Variants in DICER1 observed in about 807,000 individuals in gnomAD.
DICER1 encodes the protein endoribonuclease Dicer.
Under a neutral mutation model 194.1 loss-of-function variants are expected in DICER1, and 43 were observed. That is an observed-to-expected ratio of 0.22 (90% confidence interval 0.17 to 0.29). DICER1 has a LOEUF of 0.29. Ranked by LOEUF, DICER1 falls within the 10% of genes least tolerant of loss-of-function variation. The probability of loss-of-function intolerance (pLI) is 1.00; values close to 1 mark genes in which losing one functional copy is unlikely to be tolerated. For missense variants in DICER1, 1,608 were observed against 2,317.0 expected (o/e 0.69, Z 6.28); for synonymous variants, 832 against 820.5 (o/e 1.01, Z -0.24).
intron 1 of DICER1, among the ~76,000 whole-genome samples, chr14:95,148,040 A>G (rs1895255184): frequency 6.6e-6 from 1 of 152,256 alleles, no homozygotes; most frequent in Admixed American, 6.5e-5. Context: ...CTCAATAAAA[A>G]TAAGTAAATT....
At position 95,105,011 on chromosome 14, in the gene DICER1, G is replaced by C. The variant is rs1013876487; in HGVS notation, c.3269+60C>G. ...TTATATACAATTTTAACTTAATTCTGTTCTTTTGCAAACAGGATCTCATGA... is the reference window on the plus strand; with the variant it reads ...TTATATACAATTTTAACTTAATTCTCTTCTTTTGCAAACAGGATCTCATGA... On this transcript the variant is annotated intron_variant, in intron 20 of 26. Transcript: ENST00000343455. This position sits in a 1 kb window ranked among gnomAD's most constrained non-coding sequence, Gnocchi z 4.9. 4.7e-6 allele frequency: 7 copies of C among 1,499,384 alleles called. No homozygotes were observed. The African/African-American group carries it at 8.3e-5, about 18-fold the overall frequency. 92.9% of individuals were successfully genotyped at this position (1,499,384 alleles called of 1,614,324 possible).
At chr14:95,112,299 C>G in intron 12 of DICER1, 52 bp from the exon 13 acceptor site, 3 of 1,434,502 alleles carry the variant, frequency 2.1e-6, no homozygotes, top group Non-Finnish European at 3.0e-6. Context: ...TGTATTACCT[C>G]TAGCACATGA....
In DICER1 at chr14:95,112,223, A is replaced by G. The variant is rs1283360693; in HGVS notation, c.2065T>C (p.Leu689=). ...ATGAGAGCTACAACTCTTTCAGCCA[A>G]TCGTACACAGCTCATTGGTGGACCC... The part of the protein sequence containing the change: ...IVGPPMSCVR[L]AERVVALICC... Residue 689 remains leucine, a synonymous_variant, in exon 13 of 27, where the codon TTG becomes CTG. Transcript: ENST00000343455. 2 of 1,613,918 alleles carry G rather than the reference A, an allele frequency of 1.2e-6. No individual in the cohort carries two copies. Among genetic ancestry groups the G allele is most frequent in the African/African-American group, 2.7e-5 (2 of 74,892 alleles).
intron 1 of DICER1, 34 bp downstream of exon 1, chr14:95,157,196 G>A (rs1260447764): frequency 2.0e-5 from 3 of 150,400 alleles, no homozygotes; most frequent in East Asian, 3.9e-4. Flanking sequence ...TCCCCGCCCC[G>A]GACACAAAGC....
At position 95,115,811 on chromosome 14, in the gene DICER1, T is replaced by G. The variant is rs1251715969; in HGVS notation, c.1763A>C (p.Asn588Thr). The change falls in exon 11 of 27, where the codon AAC (asparagine) becomes ACC (threonine). Residue 588 changes from asparagine (N) to threonine (T), a missense_variant. This residue lies in a region of DICER1 where 657 missense variants were observed against 910.1 expected (regional missense o/e 0.72). Coordinates refer to ENST00000343455, the MANE Select transcript of DICER1 (RefSeq NM_177438.3). ...TYKAIEKILR[N>T]KCSKSVDTGE... The stretch of plus-strand genomic sequence containing the variant: ...AGTATCAACCGACTTGGAACACTTG[T>G]TTCTCAAGATCTGAACATTTAAAAA... 6.2e-7 allele frequency: 1 copy of G among 1,614,040 alleles called. No homozygotes were observed. The highest frequency in any genetic ancestry group is 1.3e-5 in the African/African-American group (1 of 74,924).
At chr14:95,156,060 G>GT (rs1895837855) in intron 1 of DICER1, among the ~76,000 whole-genome samples, 1 of 152,150 alleles carries the variant, frequency 6.6e-6, no homozygotes, top group Admixed American at 6.5e-5. Flanking sequence ...AATAAACTGA[G>GT]TTTTTTGGTG....
At chr14:95,110,432 AG>A (rs1417695471) in intron 14 of DICER1, among the ~76,000 whole-genome samples, 1 of 152,318 alleles carries the variant, frequency 6.6e-6, no homozygotes, top group East Asian at 1.9e-4. Context: ...TGATGTGCAC[AG>A]TTTTGGGATG....
intron 7 of DICER1, among the ~76,000 whole-genome samples, chr14:95,125,810 A>AAG (rs762281941): frequency 6.9e-5 from 9 of 130,138 alleles, no homozygotes; most frequent in South Asian, 5.2e-4. Context: ...AGAGGAGAGA[A>AAG]AGAGAGAGAG....
chr14:95,112,371 TA>T (rs1892057600), intron 12 of DICER1, 124 bp from the exon 13 acceptor site: 1 of 804,966 alleles, frequency 1.2e-6, no homozygotes, highest in Non-Finnish European at 2.0e-6. Context: ...CAAAATTCTT[TA>T]TTTTGAAAAA....
intron 11 of DICER1, 33 bp from the exon 12 acceptor site, chr14:95,113,257 T>C: frequency 6.2e-7 from 1 of 1,602,482 alleles, no homozygotes; most frequent in Non-Finnish European, 8.6e-7. Context: ...AGGCTGAATC[T>C]ACAACTGAGA....
intron 1 of DICER1, among the ~76,000 whole-genome samples, chr14:95,156,455 G>T (rs957227239): frequency 3.3e-5 from 5 of 152,204 alleles, no homozygotes; most frequent in Admixed American, 3.3e-4. Context: ...CGTTTCCGCG[G>T]ATCTTCAGGT....
At chr14:95,113,678 C>T (rs1307088870) in intron 11 of DICER1, among the ~76,000 whole-genome samples, 5 of 152,162 alleles carry the variant, frequency 3.3e-5, no homozygotes, top group Non-Finnish European at 7.4e-5. Flanking sequence ...CAGCAGAGGG[C>T]GGGACAGCCC....
At position 95,086,886 on chromosome 14, in the gene DICER1, T is replaced by C; in HGVS notation, c.*3612A>G. 1 of 232,708 alleles carries C rather than the reference T, an allele frequency of 4.3e-6. No individual in the cohort carries two copies. The highest frequency in any genetic ancestry group is 8.5e-6 in the Non-Finnish European group (1 of 117,730). The allele number at this position is 232,708 out of a possible 1,614,324, so 14.4% of individuals were successfully genotyped here. On this transcript the variant is annotated 3_prime_UTR_variant, in exon 27 of 27. Coordinates refer to ENST00000343455, the MANE Select transcript of DICER1 (RefSeq NM_177438.3). The stretch of plus-strand genomic sequence containing the variant: ...TTCAAATGTAATTAAAACAACCATA[T>C]AGGTAATAAACATGACATGAGTTTC...
At chr14:95,147,211 T>A (rs1895193687) in intron 1 of DICER1, among the ~76,000 whole-genome samples, 1 of 152,176 alleles carries the variant, frequency 6.6e-6, no homozygotes. Context: ...ACACCCATAA[T>A]CCCAGCAATT....
At chr14:95,148,677 C>T (rs1437265582) in intron 1 of DICER1, among the ~76,000 whole-genome samples, 1 of 152,182 alleles carries the variant, frequency 6.6e-6, no homozygotes, top group Non-Finnish European at 1.5e-5. Context: ...ACAAATTCCA[C>T]CCATCAAAGA....
At position 95,108,118 on chromosome 14, in the gene DICER1, C is replaced by A. The variant is rs748407108; in HGVS notation, c.2437-25G>T. 2.6e-6 allele frequency: 4 copies of A among 1,551,462 alleles called. No homozygotes were observed. The African/African-American group carries it at 5.4e-5, about 21-fold the overall frequency. On this transcript the variant is annotated intron_variant, in intron 15 of 26. Coordinates refer to ENST00000343455, the MANE Select transcript of DICER1 (RefSeq NM_177438.3). Reference sequence around the variant, plus strand: ...TCTTAGCAAAAGGAAATGTAAAGCACCCCTCAAAATTAACAGGTATTTTAT... The same window carrying A: ...TCTTAGCAAAAGGAAATGTAAAGCAACCCTCAAAATTAACAGGTATTTTAT...
intron 12 of DICER1, among the ~76,000 whole-genome samples, 160 bp from the exon 13 acceptor site, chr14:95,112,407 A>G (rs1039739930): frequency 7.2e-5 from 11 of 152,222 alleles, no homozygotes; most frequent in African/African-American, 2.7e-4. Context: ...TAAAAATTCT[A>G]ATCTCCATAT....
intron 6 of DICER1, among the ~76,000 whole-genome samples, chr14:95,126,974 GT>G (rs1196566655): frequency 2.0e-5 from 3 of 152,120 alleles, no homozygotes; most frequent in Non-Finnish European, 2.9e-5. Context: ...GTAAAGTGTT[GT>G]TTAAAAGATG....
At chr14:95,147,796 C>T (rs772978227) in intron 1 of DICER1, among the ~76,000 whole-genome samples, 13 of 152,188 alleles carry the variant, frequency 8.5e-5, no homozygotes, top group East Asian at 1.9e-4. Context: ...CCCGTGCTCC[C>T]GACCAATCAG....
Sources: allele counts gnomAD v4.1 joint callset (sites outside exome capture counted in the v4.1 genomes callset), GRCh38; gene constraint gnomAD v4.1.1; regional missense constraint gnomAD v4.1.1; non-coding constraint Gnocchi (gnomAD v3.1); transcripts MANE v1.5; gene names NCBI Gene and HGNC (gene_info 2026-07-23, HGNC 2026-07-21).